Variants in PDE3A observed in about 807,000 individuals in gnomAD.
The protein encoded by PDE3A is cGMP-inhibited 3',5'-cyclic phosphodiesterase 3A.
PDE3A carries 43 observed loss-of-function variants against 98.3 expected under a neutral mutation model. That is an observed-to-expected ratio of 0.44 (90% confidence interval 0.34 to 0.56). PDE3A has a LOEUF of 0.56. Among genes scored for constraint, PDE3A ranks in the 20% least tolerant of loss-of-function variants. The pLI is 0.01. For synonymous variants in PDE3A, 663 were observed against 567.9 expected, an observed-to-expected ratio of 1.17 and a Z score of -2.38; for missense variants, 1,427 against 1,440.7, an observed-to-expected ratio of 0.99 and a Z score of 0.15.
intron 1 of PDE3A, among the ~76,000 whole-genome samples, chr12:20,424,407 A>T (rs1441963346): frequency 2.0e-5 from 3 of 151,804 alleles, no homozygotes; most frequent in Admixed American, 6.6e-5. Context: ...TAGTAGAAAA[A>T]TTTTTCTATA....
rs542473576 is a variant in PDE3A at position 20,439,826 on chromosome 12, C to T, written c.960+69582C>T. ...TTTTCCATGACAGAATAGTTTTAAA[C>T]ATCAGGATATTGCATAAGTCAGTCT... On this transcript the variant is annotated intron_variant, in intron 1 of 15. Coordinates refer to ENST00000359062, the MANE Select transcript of PDE3A (RefSeq NM_000921.5). Among the ~76,000 whole-genome samples the T allele has an allele frequency of 1.3e-3, 204 of 152,230 alleles. 1 individual carries two copies. Among genetic ancestry groups the T allele is most frequent in the Non-Finnish European group, 2.2e-3 (148 of 68,004 alleles).
At chr12:20,610,137 G>A (rs1349492323) in intron 2 of PDE3A, among the ~76,000 whole-genome samples, 1 of 151,740 alleles carries the variant, frequency 6.6e-6, no homozygotes, top group Non-Finnish European at 1.5e-5. Flanking sequence ...AAAAATATTG[G>A]CAAAGCATGT....
intron 7 of PDE3A, among the ~76,000 whole-genome samples, chr12:20,634,651 G>A (rs1051074167): frequency 6.6e-6 from 1 of 152,146 alleles, no homozygotes; most frequent in Non-Finnish European, 1.5e-5. Flanking sequence ...GGTATGAACT[G>A]TTGATCTAAA....
intron 1 of PDE3A, among the ~76,000 whole-genome samples, chr12:20,441,044 C>T (rs540344949): frequency 6.6e-6 from 1 of 152,176 alleles, no homozygotes; most frequent in South Asian, 2.1e-4. Flanking sequence ...TTGAATTATT[C>T]AACAGTGAAG....
intron 15 of PDE3A, among the ~76,000 whole-genome samples, chr12:20,659,752 T>A (rs189506443): frequency 2.1e-3 from 323 of 152,314 alleles, no homozygotes; most frequent in African/African-American, 7.2e-3. Context: ...AACTATTAAC[T>A]CTTTAATGCA....
chr12:20,550,186 T>C (rs1942160248), intron 1 of PDE3A, among the ~76,000 whole-genome samples: 1 of 152,158 alleles, frequency 6.6e-6, no homozygotes, highest in Non-Finnish European at 1.5e-5. Context: ...TATTTACCTC[T>C]TTTAGTTGTG....
intron 2 of PDE3A, 137 bp from the exon 3 acceptor site, chr12:20,613,306 G>A (rs920672152): frequency 1.3e-6 from 1 of 752,538 alleles, no homozygotes. Flanking sequence ...ATTTGAAATA[G>A]GTGGTGTGAA....
chr12:20,435,493 G>C (rs1224552704), intron 1 of PDE3A, among the ~76,000 whole-genome samples: 2 of 151,948 alleles, frequency 1.3e-5, no homozygotes, highest in African/African-American at 4.8e-5. Context: ...TGGAACAATA[G>C]TGTAACAATG....
At chr12:20,542,371 T>TA (rs1457058279) in intron 1 of PDE3A, among the ~76,000 whole-genome samples, 2 of 151,922 alleles carry the variant, frequency 1.3e-5, no homozygotes, top group African/African-American at 4.8e-5. Context: ...AGACCATTTC[T>TA]AAAAAAGGAG....
chr12:20,374,092 T>C (rs1373798316), intron 1 of PDE3A, among the ~76,000 whole-genome samples: 1 of 152,146 alleles, frequency 6.6e-6, no homozygotes. Flanking sequence ...AGAGCAATAT[T>C]GATTACTTAT....
At chr12:20,604,347 C>A (rs984054075) in intron 2 of PDE3A, among the ~76,000 whole-genome samples, 1 of 152,110 alleles carries the variant, frequency 6.6e-6, no homozygotes, top group Non-Finnish European at 1.5e-5. Flanking sequence ...CCATGTATTA[C>A]CTCATATAAT....
intron 1 of PDE3A, among the ~76,000 whole-genome samples, chr12:20,488,548 A>G (rs2121035821): frequency 6.6e-6 from 1 of 152,262 alleles, no homozygotes; most frequent in East Asian, 1.9e-4. Flanking sequence ...TGCAATTCGC[A>G]GCTGGTGCAA....
At chr12:20,657,620 G>A (rs1426840670) in intron 15 of PDE3A, among the ~76,000 whole-genome samples, 1 of 152,122 alleles carries the variant, frequency 6.6e-6, no homozygotes, top group Non-Finnish European at 1.5e-5. Flanking sequence ...AGCAATGAAA[G>A]GCTCTTTGTT....
chr12:20,386,541 A>G (rs565251923), intron 1 of PDE3A, among the ~76,000 whole-genome samples: 3 of 151,154 alleles, frequency 2.0e-5, no homozygotes, highest in African/African-American at 4.9e-5. Context: ...GGGTTTCACC[A>G]TGTTGGCCAG....
At chr12:20,498,642 A>G (rs1945968234) in intron 1 of PDE3A, among the ~76,000 whole-genome samples, 1 of 151,320 alleles carries the variant, frequency 6.6e-6, no homozygotes, top group African/African-American at 2.4e-5. Context: ...ATATCAAGAG[A>G]TGACTGTATT....
At chr12:20,435,826 G>T (rs1038914430) in intron 1 of PDE3A, among the ~76,000 whole-genome samples, 30 of 152,172 alleles carry the variant, frequency 2.0e-4, no homozygotes, top group African/African-American at 7.0e-4. Context: ...ACCGTTATTA[G>T]TACAATATAG....
At position 20,635,005 on chromosome 12, in the gene PDE3A, G is replaced by A; in HGVS notation, c.1950G>A (p.Leu650=). The change falls in exon 8 of 16, where the codon CTG becomes CTA. Residue 650 remains leucine, a synonymous_variant. Coordinates refer to ENST00000359062, the MANE Select transcript of PDE3A (RefSeq NM_000921.5). ...EDETECLREP[L]RKASACSTYA... Reference sequence around the variant, plus strand: ...AAACAGAGTGCCTGAGAGAGCCTCTGAGGAAAGCATCGGCTTGCAGCACCT... The same window carrying A: ...AAACAGAGTGCCTGAGAGAGCCTCTAAGGAAAGCATCGGCTTGCAGCACCT... 6.2e-7 allele frequency: 1 copy of A among 1,613,502 alleles called. No homozygotes were observed. Among genetic ancestry groups the A allele is most frequent in the Non-Finnish European group, 8.5e-7 (1 of 1,179,442 alleles).
Position 20,613,751 on chromosome 12 carries a change from G to C in PDE3A, c.1269+51G>C, listed in dbSNP as rs7308381. On this transcript the variant is annotated intron_variant, in intron 3 of 15. Coordinates refer to ENST00000359062, the MANE Select transcript of PDE3A (RefSeq NM_000921.5). Reference sequence around the variant, plus strand: ...AAGGGTTAAACTATTTTTTTTAATTGTCTTCTAGGTCTCCTTCCTGTCACC... The same window carrying C: ...AAGGGTTAAACTATTTTTTTTAATTCTCTTCTAGGTCTCCTTCCTGTCACC... The C allele has an allele frequency of 0.94, 1,378,345 of 1,461,276 alleles. 650,395 individuals are homozygous for C. The highest frequency in any genetic ancestry group is 1 in the East Asian group (43,740 of 43,748). 90.5% of individuals were successfully genotyped at this position (1,461,276 alleles called of 1,614,324 possible). A position where few individuals can be genotyped will look rare whatever the true frequency, so the allele number is the denominator to read the frequency against.
intron 1 of PDE3A, among the ~76,000 whole-genome samples, chr12:20,439,660 TTC>T (rs1306233539): frequency 6.6e-6 from 1 of 152,184 alleles, no homozygotes; most frequent in Non-Finnish European, 1.5e-5. Context: ...AAATGCATAT[TTC>T]TGTCTTTACC....
Sources: gnomAD v4.1 joint callset for allele counts (sites outside exome capture counted in the v4.1 genomes callset) on GRCh38, gnomAD v4.1.1 for gene constraint, MANE v1.5 for transcripts, NCBI Gene and HGNC (gene_info 2026-07-23, HGNC 2026-07-21) for gene names.